ZFHX3: variants seen among roughly 807,000 people sequenced by gnomAD.
ZFHX3 encodes the protein zinc finger homeobox protein 3.
Under a neutral mutation model 279.1 loss-of-function variants are expected in ZFHX3, and 42 were observed. That is an observed-to-expected ratio of 0.15 (90% CI 0.12 to 0.19). The LOEUF is 0.19. Among genes scored for constraint, ZFHX3 ranks in the 10% least tolerant of loss-of-function variants. ZFHX3 has a pLI of 1.00. For missense variants in ZFHX3, 4,981 were observed against 4,754.0 expected (o/e 1.05, Z -1.40); for synonymous variants, 2,293 against 1,957.8 (o/e 1.17, Z -4.52).
chr16:73,793,074 C>T (rs1044859274), intron 1 of ZFHX3, among the ~76,000 whole-genome samples: 1 of 152,194 alleles, frequency 6.6e-6, no homozygotes, highest in Non-Finnish European at 1.5e-5. Context: ...GGGACTTCAG[C>T]TTATATGAAA....
chr16:72,817,999 C>CA (rs2143643493), intron 5 of ZFHX3, among the ~76,000 whole-genome samples: 1 of 152,352 alleles, frequency 6.6e-6, no homozygotes, highest in East Asian at 1.9e-4. Context: ...CAGAGGTTCT[C>CA]ATCGCCTTAC....
chr16:72,942,417 T>C (rs1180196255), intron 3 of ZFHX3, among the ~76,000 whole-genome samples: 1 of 152,128 alleles, frequency 6.6e-6, no homozygotes, highest in East Asian at 1.9e-4. Context: ...TTCCTCTGGA[T>C]GGGTGGGGGG....
In ZFHX3 at chr16:73,537,563, G is replaced by A. The variant is rs575630121; in HGVS notation, c.-1546-81305C>T. 4.7e-4 allele frequency among the ~76,000 whole-genome samples: 71 copies of A among 152,152 alleles called. 1 individual carries two copies. Among genetic ancestry groups the A allele is most frequent in the African/African-American group, 9.6e-4 (40 of 41,520 alleles). ...GATCTTCTGACCTCGTGATTCACCC[G>A]CCTCGGCCTCCCAAAGTGCTGGGAT... On this transcript the variant is annotated intron_variant, in intron 2 of 17. Transcript: ENST00000641206.
intron 3 of ZFHX3, among the ~76,000 whole-genome samples, chr16:72,891,270 T>C (rs933553841): frequency 2.0e-5 from 3 of 152,166 alleles, no homozygotes; most frequent in Non-Finnish European, 4.4e-5. Flanking sequence ...AGACACAGTA[T>C]TGATCCCAGA....
At chr16:73,463,905 A>C (rs1243629231) in intron 2 of ZFHX3, among the ~76,000 whole-genome samples, 1 of 151,996 alleles carries the variant, frequency 6.6e-6, no homozygotes, top group African/African-American at 2.4e-5. Context: ...TCTTGTTCTG[A>C]CTCCTTTTTT....
chr16:73,483,794 G>A (rs551185990), intron 2 of ZFHX3, among the ~76,000 whole-genome samples: 2 of 152,258 alleles, frequency 1.3e-5, no homozygotes, highest in East Asian at 1.9e-4. Flanking sequence ...TAATTGGGAG[G>A]TGCTGTTCCC....
chr16:73,147,687 G>A (rs1440866203), intron 5 of ZFHX3, among the ~76,000 whole-genome samples: 7 of 72,846 alleles, frequency 9.6e-5, no homozygotes. Flanking sequence ...GCGAGACTCC[G>A]TCTCAAAAAA....
intron 1 of ZFHX3, among the ~76,000 whole-genome samples, chr16:73,723,155 C>T (rs1026774037): frequency 2.0e-5 from 3 of 152,104 alleles, no homozygotes; most frequent in African/African-American, 7.2e-5. Flanking sequence ...CCCCATTGGC[C>T]ACGGACTGAT....
intron 4 of ZFHX3, among the ~76,000 whole-genome samples, chr16:72,855,449 C>G (rs1371600542): frequency 6.6e-6 from 1 of 152,238 alleles, no homozygotes; most frequent in African/African-American, 2.4e-5. Context: ...AAGAAATACT[C>G]TGGAGATGGA....
chr16:72,893,256 C>T (rs1038837370), intron 3 of ZFHX3, among the ~76,000 whole-genome samples: 2 of 152,168 alleles, frequency 1.3e-5, no homozygotes, highest in Non-Finnish European at 2.9e-5. Flanking sequence ...TGAAATCAGA[C>T]CAAGAATCAC....
chr16:73,592,533 T>C (rs1203859409), intron 2 of ZFHX3, among the ~76,000 whole-genome samples: 3 of 152,156 alleles, frequency 2.0e-5, no homozygotes, highest in Admixed American at 6.5e-5. Context: ...TTTAGAGATA[T>C]ATACTAAAAT....
upstream of ZFHX3, among the ~76,000 whole-genome samples, chr16:73,049,244 C>CA (rs1367416091): frequency 1.3e-4 from 20 of 152,234 alleles, no homozygotes; most frequent in African/African-American, 4.8e-4. Context: ...TCCCGATTCT[C>CA]ACAGCACAGA....
At chr16:73,835,553 C>G (rs954114078) in intron 1 of ZFHX3, among the ~76,000 whole-genome samples, 1 of 145,000 alleles carries the variant, frequency 6.9e-6, no homozygotes, top group Non-Finnish European at 1.5e-5. Context: ...TCACTGCAAC[C>G]TCCACCTCCT....
At chr16:73,837,635 CTT>C in intron 1 of ZFHX3, among the ~76,000 whole-genome samples, 2 of 152,122 alleles carry the variant, frequency 1.3e-5, no homozygotes, top group African/African-American at 4.8e-5. Flanking sequence ...CTTTTCTTTT[CTT>C]TTCTTTTCTT....
At chr16:73,098,074 T>TTG (rs1217922062) in intron 7 of ZFHX3, among the ~76,000 whole-genome samples, 1 of 151,290 alleles carries the variant, frequency 6.6e-6, no homozygotes, top group African/African-American at 2.4e-5. Context: ...TGTATCTATT[T>TTG]TTTTTTTTTT....
chr16:72,944,901 T>C (rs1320526183), intron 3 of ZFHX3, among the ~76,000 whole-genome samples: 1 of 152,112 alleles, frequency 6.6e-6, no homozygotes, highest in Non-Finnish European at 1.5e-5. Context: ...AAAAGTGCTA[T>C]GGTTAATGGT....
Position 72,959,388 on chromosome 16 carries a change from C to T in ZFHX3, c.758G>A (p.Ser253Asn). 1.2e-6 allele frequency: 2 copies of T among 1,614,228 alleles called. No homozygotes were observed. Among genetic ancestry groups the T allele is most frequent in the Non-Finnish European group, 1.7e-6 (2 of 1,180,026 alleles). ...DYLNSDGSAK[S>N]SCVSKDVPNN... Reference sequence around the variant, plus strand: ...GGGAACATCTTTGGATACGCAGGAGCTTTTGGCAGAACCGTCGCTGTTCAG... The same window carrying T: ...GGGAACATCTTTGGATACGCAGGAGTTTTTGGCAGAACCGTCGCTGTTCAG... The change falls in exon 2 of 10, where the codon AGC becomes AAC. Residue 253 changes from serine to asparagine, a missense_variant. Ser to Asn is a conservative substitution (Grantham distance 46, BLOSUM62 1). This residue lies in a region of ZFHX3 where 1,068 missense variants were observed against 935.2 expected (regional missense o/e 1.14). Coordinates refer to ENST00000268489, the MANE Select transcript of ZFHX3 (RefSeq NM_006885.4).
chr16:73,252,886 C>G (rs1460896202), intron 5 of ZFHX3, among the ~76,000 whole-genome samples: 1 of 152,214 alleles, frequency 6.6e-6, no homozygotes, highest in Non-Finnish European at 1.5e-5. Flanking sequence ...CCAAAGTATG[C>G]TGGCGGAAGG....
At chr16:72,909,465 T>C (rs2039264282) in intron 3 of ZFHX3, among the ~76,000 whole-genome samples, 1 of 152,202 alleles carries the variant, frequency 6.6e-6, no homozygotes, top group Admixed American at 6.5e-5. Context: ...TATACAATCA[T>C]TTAGAAAAAT....
Sources: gnomAD v4.1 joint callset for allele counts (sites outside exome capture counted in the v4.1 genomes callset) on GRCh38, gnomAD v4.1.1 for gene constraint, gnomAD v4.1.1 regional missense constraint, MANE v1.5 for transcripts, NCBI Gene and HGNC (gene_info 2026-07-23, HGNC 2026-07-21) for gene names.